The following AKR1B15 variants were observed in gnomAD, a reference collection of about 807,000 sequenced individuals.
AKR1B15 encodes aldo-keto reductase family 1 member B15.
Under a neutral mutation model 38.5 loss-of-function variants are expected in AKR1B15, and 49 were observed. The ratio of observed to expected loss-of-function variants is 1.27; its 90% CI spans 1.01 to 1.62. The LOEUF is 1.62. Among genes scored for constraint, AKR1B15 ranks in the 40% most tolerant of loss-of-function variants. The pLI is 0.00. For synonymous variants in AKR1B15, 137 were observed against 135.5 expected, an observed-to-expected ratio of 1.01 and a Z score of -0.08; for missense variants, 411 against 381.6, an observed-to-expected ratio of 1.08 and a Z score of -0.64.
intron 1 of AKR1B15, among the ~76,000 whole-genome samples, chr7:134,550,657 G>A (rs1793935782): frequency 6.6e-6 from 1 of 152,148 alleles, no homozygotes; most frequent in Admixed American, 6.5e-5. Context: ...GAATATCTTT[G>A]TCCATGCTGG....
intron 10 of AKR1B15, 108 bp from the exon 11 acceptor site, chr7:134,577,596 C>T: frequency 1.6e-6 from 2 of 1,271,266 alleles, no homozygotes; most frequent in Non-Finnish European, 2.2e-6. Context: ...CTCCTATGGC[C>T]AGTTTGTGCT....
At chr7:134,571,789 A>C in intron 6 of AKR1B15, 108 bp downstream of exon 6, 2 of 876,690 alleles carry the variant, frequency 2.3e-6, no homozygotes, top group Middle Eastern at 2.3e-4. Context: ...TAATTTCATC[A>C]TTGTGATTCT....
intron 2 of AKR1B15, among the ~76,000 whole-genome samples, chr7:134,557,363 G>A (rs558478194): frequency 2.6e-5 from 4 of 152,070 alleles, no homozygotes; most frequent in South Asian, 2.1e-4. Flanking sequence ...CCCCAAACAC[G>A]AGTGGGAAAT....
intron 2 of AKR1B15, among the ~76,000 whole-genome samples, chr7:134,562,350 C>T (rs531324995): frequency 6.6e-6 from 1 of 152,140 alleles, no homozygotes; most frequent in African/African-American, 2.4e-5. Flanking sequence ...CTGCTGGGGG[C>T]TGGGGTGACC....
At position 134,569,448 on chromosome 7, in the gene AKR1B15, G is replaced by A. The variant is rs1554403212; in HGVS notation, c.354G>A (p.Arg118=). 3 of 1,614,082 alleles carry A rather than the reference G, an allele frequency of 1.9e-6. No individual in the cohort carries two copies. The highest frequency in any genetic ancestry group is 2.5e-6 in the Non-Finnish European group (3 of 1,179,968). ...WPTFFERPLV[R]KAFEKTLKDL... is the part of the protein sequence containing the mutation. ...CTTTCTTTGAGAGACCCCTTGTGAGGAAAGCCTTTGAGAAGACCCTCAAGG... is the reference window on the plus strand; with the variant it reads ...CTTTCTTTGAGAGACCCCTTGTGAGAAAAGCCTTTGAGAAGACCCTCAAGG... Residue 118 remains arginine (R), a synonymous_variant, in exon 5 of 12, where the codon AGG becomes AGA. Transcript: ENST00000457545.
At chr7:134,559,609 C>T (rs73451223) in intron 2 of AKR1B15, among the ~76,000 whole-genome samples, 9,175 of 152,174 alleles carry the variant, frequency 0.06, 434 homozygotes, top group African/African-American at 0.13. Flanking sequence ...CACTACTCTT[C>T]GTTCATTTTT....
chr7:134,561,404 A>G (rs1388468919), intron 2 of AKR1B15, among the ~76,000 whole-genome samples: 1 of 152,194 alleles, frequency 6.6e-6, no homozygotes, highest in African/African-American at 2.4e-5. Flanking sequence ...ACAGGGTTTC[A>G]CCATGTTGGC....
At chr7:134,572,631 G>GAAA (rs367742933) in intron 6 of AKR1B15, among the ~76,000 whole-genome samples, 3 of 125,674 alleles carry the variant, frequency 2.4e-5, no homozygotes, top group African/African-American at 5.9e-5. Context: ...CCATCTTGAA[G>GAAA]AAAAAAAAAA....
chr7:134,571,807 T>G, intron 6 of AKR1B15, 126 bp downstream of exon 6: 4 of 778,600 alleles, frequency 5.1e-6, no homozygotes, highest in Non-Finnish European at 8.6e-6. Context: ...TCTCTAGCTC[T>G]TCTAATATCC....
rs1313806386 is a variant in AKR1B15, at chr7:134,562,850, C to CT, written c.-22-1745dup. Among the ~76,000 whole-genome samples, 635 of 106,310 alleles carry CT rather than the reference C, an allele frequency of 6.0e-3. 12 individuals carry two copies. The highest frequency in any genetic ancestry group is 0.03 in the African/African-American group (616 of 20,490). The allele number at this position is 106,310 out of a possible 152,430, so 69.7% of individuals were successfully genotyped here. A position where few individuals can be genotyped will look rare whatever the true frequency, so the allele number is the denominator to read the frequency against. On this transcript the variant is annotated intron_variant, in intron 2 of 11. Transcript: ENST00000457545. The stretch of plus-strand genomic sequence containing the variant: ...TTCCTTTCTCTTTCTTTCTTTCTTT[C>CT]TTTCTTTCTTTCTTTCTTTCTTTCT...
intron 6 of AKR1B15, chr7:134,573,682 T>C: frequency 2.8e-6 from 1 of 363,560 alleles, no homozygotes; most frequent in Non-Finnish European, 3.8e-6. Flanking sequence ...ACAAAAGCTT[T>C]TAAATTATCT....
intron 6 of AKR1B15, among the ~76,000 whole-genome samples, chr7:134,572,213 A>C (rs1794682365): frequency 6.6e-6 from 1 of 152,170 alleles, no homozygotes; most frequent in African/African-American, 2.4e-5. Flanking sequence ...TGACATTTGA[A>C]ACCTAGATTG....
At chr7:134,566,073 T>G (rs1433698762) in intron 3 of AKR1B15, among the ~76,000 whole-genome samples, 4 of 152,152 alleles carry the variant, frequency 2.6e-5, no homozygotes, top group Non-Finnish European at 5.9e-5. Context: ...ACGAGAGGAC[T>G]GCTTAAGCCC....
chr7:134,554,362 G>A (rs984261177), intron 1 of AKR1B15, among the ~76,000 whole-genome samples: 4 of 152,126 alleles, frequency 2.6e-5, no homozygotes, highest in Non-Finnish European at 5.9e-5. Flanking sequence ...AACAAGCTTC[G>A]GATCTTCAAG....
At chr7:134,560,755 T>C (rs1008056424) in intron 2 of AKR1B15, among the ~76,000 whole-genome samples, 3 of 152,180 alleles carry the variant, frequency 2.0e-5, no homozygotes, top group African/African-American at 7.2e-5. Context: ...GTTGTACACC[T>C]GAAAACCAAA....
chr7:134,568,023 G>T (rs777143457), intron 3 of AKR1B15, 135 bp from the exon 4 acceptor site: 36 of 1,031,330 alleles, frequency 3.5e-5, no homozygotes, highest in Non-Finnish European at 4.9e-5. Context: ...TGCTGAGTGT[G>T]GTGTAATTCC....
chr7:134,571,501 T>C, intron 5 of AKR1B15, 103 bp from the exon 6 acceptor site: 1 of 838,772 alleles, frequency 1.2e-6, no homozygotes, highest in Non-Finnish European at 2.1e-6. Context: ...AAAAGTGGTA[T>C]GCAGATGTGG....
chr7:134,579,648 T>C lies in AKR1B15; in HGVS notation c.*99T>C. The C allele has an allele frequency of 8.7e-7, 1 of 1,146,288 alleles. No individual in the cohort carries two copies. The highest frequency in any genetic ancestry group is 1.2e-6 in the Non-Finnish European group (1 of 813,794). 71.0% of individuals were successfully genotyped at this position (1,146,288 alleles called of 1,614,324 possible). On this transcript the variant is annotated 3_prime_UTR_variant, in exon 12 of 12. Transcript: ENST00000457545. ...CTATTTTAGCCAAGCTTATCTGAGA[T>C]CACAGTGAACTTTGTCCTGTTGTAG...
At position 134,562,878 on chromosome 7, in the gene AKR1B15, CTTTCTTTCT is replaced by C. The variant is rs1278660526; in HGVS notation, c.-22-1717_-22-1709del. 6.7e-5 allele frequency among the ~76,000 whole-genome samples: 9 copies of C among 135,072 alleles called. No homozygotes were observed. In the East Asian group the frequency reaches 1.9e-3, roughly 28 times the overall value. The allele number at this position is 135,072 out of a possible 152,430, so 88.6% of individuals were successfully genotyped here. On this transcript the variant is annotated intron_variant, in intron 2 of 11. Transcript: ENST00000457545. ...TCTTTCTTTCTTTCTTTCTTTCTTTCTTTCTTTCTTTCCTTCTTTCTTCCTTCCTTCTTT... is the reference window on the plus strand; with the variant it reads ...TCTTTCTTTCTTTCTTTCTTTCTTTCTTCCTTCTTTCTTCCTTCCTTCTTT...
Sources: allele counts gnomAD v4.1 joint callset (sites outside exome capture counted in the v4.1 genomes callset), GRCh38; gene constraint gnomAD v4.1.1; transcripts MANE v1.5; gene names NCBI Gene and HGNC (gene_info 2026-07-23, HGNC 2026-07-21).